CNN3: variants seen among roughly 807,000 people sequenced by gnomAD.
The protein encoded by CNN3 is calponin-3.
In CNN3, 11 loss-of-function variants were observed where a neutral mutation model predicts 39.0. That is an observed-to-expected ratio of 0.28 (90% CI 0.18 to 0.47). CNN3 has a LOEUF of 0.47. CNN3 is among the 20% of genes least tolerant of loss of function. The probability of loss-of-function intolerance (pLI) is 0.99; values close to 1 mark genes in which losing one functional copy is unlikely to be tolerated. For missense variants in CNN3, 266 were observed against 403.4 expected (o/e 0.66, Z 2.92); for synonymous variants, 101 against 138.3 (o/e 0.73, Z 1.89).
At chr1:94,898,891 G>A (rs1670790915) in intron 6 of CNN3, among the ~76,000 whole-genome samples, 2 of 152,118 alleles carry the variant, frequency 1.3e-5, no homozygotes, top group African/African-American at 4.8e-5. Flanking sequence ...AGGTGCTGGT[G>A]ATCTATTTTT....
chr1:94,903,162 G>A lies in CNN3; in HGVS notation c.206C>T (p.Ser69Leu), dbSNP rs753645792. 4 of 1,612,966 alleles carry A rather than the reference G, an allele frequency of 2.5e-6. No homozygotes were observed. The Admixed American group carries it at 5.0e-5, about 20-fold the overall frequency. ...TGAGGACTCGTTGACCTTCTTCACT[G>A]AGCCTGGCTGTAGCTTGTTTATAAG... ...CELINKLQPG[S>L]VKKVNESSLN... Residue 69 changes from serine to leucine, a missense_variant, in exon 3 of 7, where the codon TCA becomes TTA. Transcript: ENST00000370206.
At chr1:94,925,645 T>C in intron 1 of CNN3, 3 of 985,470 alleles carry the variant, frequency 3.0e-6, no homozygotes, top group Non-Finnish European at 3.6e-6. Flanking sequence ...CTTTACATAA[T>C]TCGCTTCACA....
intron 1 of CNN3, among the ~76,000 whole-genome samples, chr1:94,908,579 C>T (rs1671076370): frequency 6.6e-6 from 1 of 152,176 alleles, no homozygotes; most frequent in Non-Finnish European, 1.5e-5. Flanking sequence ...CTCGCTCTGT[C>T]ACCCAAGCTG....
Position 94,926,833 on chromosome 1 carries a change from C to A in CNN3, c.57+5G>T. ...GGCCCCCGCGCCCGCCCGAGCCAGG[C>A]GTACCTTGTTCTTGACTTCGGCCGA... On this transcript the variant is annotated splice_donor_5th_base_variant and intron_variant, in intron 1 of 6. Coordinates refer to ENST00000370206, the MANE Select transcript of CNN3 (RefSeq NM_001839.5). This position sits in a 1 kb window ranked among gnomAD's most constrained non-coding sequence, Gnocchi z 4.2. The A allele has an allele frequency of 1.9e-6, 3 of 1,611,406 alleles. No homozygotes were observed. The highest frequency in any genetic ancestry group is 2.5e-6 in the Non-Finnish European group (3 of 1,178,734).
intron 1 of CNN3, among the ~76,000 whole-genome samples, chr1:94,914,807 C>T (rs1484274807): frequency 6.6e-6 from 1 of 152,032 alleles, no homozygotes; most frequent in African/African-American, 2.4e-5. Flanking sequence ...GTTAACTGTG[C>T]AAAAGAGCAC....
intron 2 of CNN3, 63 bp downstream of exon 2, chr1:94,903,340 G>T: frequency 6.5e-7 from 1 of 1,546,256 alleles, no homozygotes; most frequent in South Asian, 1.3e-5. Flanking sequence ...GAAGGAGAGT[G>T]AGAGAGAAGG....
rs139065504 is a variant in CNN3, at chr1:94,923,100, A to G, written c.57+3738T>C. 4.1e-4 allele frequency among the ~76,000 whole-genome samples: 62 copies of G among 152,248 alleles called. No individual in the cohort carries two copies. The East Asian group carries it at 0.012, about 28-fold the overall frequency. ...AAGGTTCCTGCGGCATTTGCTCTAA[A>G]CCTGATGAAGACATGCTTCACTGCG... On this transcript the variant is annotated intron_variant, in intron 1 of 6. Coordinates refer to ENST00000370206, the MANE Select transcript of CNN3 (RefSeq NM_001839.5).
At chr1:94,900,617 G>A (rs900898303) in intron 5 of CNN3, among the ~76,000 whole-genome samples, 2 of 148,878 alleles carry the variant, frequency 1.3e-5, no homozygotes, top group Admixed American at 1.3e-4. Context: ...ATACAATTTT[G>A]TACTGTGTAA....
At chr1:94,903,230 C>CAA (rs1267659378) in intron 2 of CNN3, 42 bp from the exon 3 acceptor site, 1 of 1,595,662 alleles carries the variant, frequency 6.3e-7, no homozygotes, top group Non-Finnish European at 8.5e-7. Flanking sequence ...TACTGGCACA[C>CAA]AAAAACAAGG....
chr1:94,912,535 A>G (rs1671192092), intron 1 of CNN3, among the ~76,000 whole-genome samples: 1 of 152,084 alleles, frequency 6.6e-6, no homozygotes, highest in Non-Finnish European at 1.5e-5. Flanking sequence ...AGCCATCACC[A>G]AGGCTGCATG....
intron 1 of CNN3, among the ~76,000 whole-genome samples, chr1:94,917,932 G>A (rs983126792): frequency 3.9e-5 from 6 of 152,080 alleles, no homozygotes; most frequent in Admixed American, 6.6e-5. Context: ...GCAGGGATTC[G>A]GACCCAGATC....
intron 1 of CNN3, among the ~76,000 whole-genome samples, chr1:94,905,821 A>G (rs375041906): frequency 1.3e-5 from 2 of 152,208 alleles, no homozygotes; most frequent in East Asian, 3.9e-4. Context: ...TCAGCCTCCC[A>G]AAGTGCTGAG....
At chr1:94,908,094 C>T (rs1284691551) in intron 1 of CNN3, among the ~76,000 whole-genome samples, 2 of 152,170 alleles carry the variant, frequency 1.3e-5, no homozygotes, top group African/African-American at 4.8e-5. Flanking sequence ...CATCAAGGAG[C>T]ACTTACAAAT....
intron 1 of CNN3, among the ~76,000 whole-genome samples, chr1:94,906,831 A>G (rs1221314356): frequency 6.6e-6 from 1 of 152,256 alleles, no homozygotes; most frequent in Non-Finnish European, 1.5e-5. Flanking sequence ...ATCAATTAAT[A>G]TTTAAGCAGA....
chr1:94,905,583 C>T (rs72962463), intron 1 of CNN3, among the ~76,000 whole-genome samples: 1,533 of 152,334 alleles, frequency 0.01, 17 homozygotes, highest in African/African-American at 0.035. Context: ...GGAGAAATGG[C>T]TCTACAGCTT....
chr1:94,904,935 A>G (rs573633755), intron 1 of CNN3, among the ~76,000 whole-genome samples: 26 of 152,360 alleles, frequency 1.7e-4, no homozygotes, highest in Non-Finnish European at 2.4e-4. Flanking sequence ...TGCTGTGTCC[A>G]TAAGACATAG....
chr1:94,917,780 C>T (rs79832569), intron 1 of CNN3, among the ~76,000 whole-genome samples: 3,664 of 152,252 alleles, frequency 0.024, 76 homozygotes, highest in Middle Eastern at 0.041. Context: ...GTAAGGTATA[C>T]AGGATACTTT....
At chr1:94,902,624 A>AT (rs1280933453) in intron 3 of CNN3, among the ~76,000 whole-genome samples, 9 of 152,324 alleles carry the variant, frequency 5.9e-5, no homozygotes, top group South Asian at 4.1e-4. Flanking sequence ...ATTATGTGTT[A>AT]TTTTAATTTC....
chr1:94,913,611 A>G (rs1671217408), intron 1 of CNN3, among the ~76,000 whole-genome samples: 1 of 152,250 alleles, frequency 6.6e-6, no homozygotes, highest in Admixed American at 6.5e-5. Context: ...TAGAAGGAGT[A>G]AACTAGGTGG....
Sources: allele counts gnomAD v4.1 joint callset (sites outside exome capture counted in the v4.1 genomes callset), GRCh38; gene constraint gnomAD v4.1.1; non-coding constraint Gnocchi (gnomAD v3.1); transcripts MANE v1.5; gene names NCBI Gene and HGNC (gene_info 2026-07-23, HGNC 2026-07-21).